Variants in TTC28 observed in about 807,000 individuals in gnomAD.
The protein encoded by TTC28 is tetratricopeptide repeat protein 28.
In TTC28, 61 loss-of-function variants were observed where a neutral mutation model predicts 198.0. The ratio of observed to expected loss-of-function variants is 0.31; its 90% CI spans 0.25 to 0.38. The LOEUF (loss-of-function observed/expected upper bound fraction) is 0.38, where lower values mean the gene tolerates loss of function less well. Ranked by LOEUF, TTC28 falls within the 10% of genes least tolerant of loss-of-function variation. The pLI, the probability that TTC28 is intolerant of heterozygous loss-of-function variation, is 1.00. For synonymous variants in TTC28, 1,171 were observed against 1,297.8 expected (o/e 0.90, Z 2.10); for missense variants, 2,678 against 3,164.0 (o/e 0.85, Z 3.69).
chr22:28,672,990 G>A (rs2051914016), intron 1 of TTC28, among the ~76,000 whole-genome samples: 1 of 152,206 alleles, frequency 6.6e-6, no homozygotes, highest in African/African-American at 2.4e-5. Flanking sequence ...TGAGGATGTG[G>A]TTTTGTGGAT....
rs188851565 is a variant in TTC28, at chr22:28,392,815, C to T, written c.382-86172G>A. On this transcript the variant is annotated intron_variant, in intron 2 of 22. Transcript: ENST00000397906. ...AATCACCCGTCTTCTGCATCGCTCA[C>T]GCTGGGAGCTGTAGACCGGAGCTGC... 6.6e-3 allele frequency among the ~76,000 whole-genome samples: 997 copies of T among 150,850 alleles called. 7 individuals carry two copies. The highest frequency in any genetic ancestry group is 0.034 in the Middle Eastern group (10 of 290).
chr22:28,339,754 G>A (rs931638725), intron 2 of TTC28, among the ~76,000 whole-genome samples: 42 of 152,154 alleles, frequency 2.8e-4, no homozygotes, highest in African/African-American at 8.9e-4. Flanking sequence ...GTAGTATTAC[G>A]GTGGGAGTGA....
chr22:28,391,080 TTA>T (rs1324222292), intron 2 of TTC28, among the ~76,000 whole-genome samples: 2 of 152,058 alleles, frequency 1.3e-5, no homozygotes, highest in African/African-American at 4.8e-5. Context: ...GTAAAGGATT[TTA>T]TTTCTCCTTC....
intron 12 of TTC28, among the ~76,000 whole-genome samples, chr22:28,088,309 A>G (rs1941691618): frequency 6.6e-6 from 1 of 152,186 alleles, no homozygotes; most frequent in Admixed American, 6.5e-5. Context: ...TGGTACCAAA[A>G]CAGAGATATA....
chr22:28,553,898 C>T (rs921969417), intron 2 of TTC28, among the ~76,000 whole-genome samples: 2 of 152,188 alleles, frequency 1.3e-5, no homozygotes, highest in Non-Finnish European at 2.9e-5. Context: ...TGAGAACGGG[C>T]CATGATGACA....
intron 2 of TTC28, among the ~76,000 whole-genome samples, chr22:28,350,875 G>A (rs1375654140): frequency 3.9e-5 from 6 of 152,082 alleles, no homozygotes; most frequent in Admixed American, 3.3e-4. Flanking sequence ...GAGAATCACT[G>A]TTATAATCCT....
At chr22:27,996,000 G>A in intron 17 of TTC28, 135 bp downstream of exon 17, 1 of 1,356,016 alleles carries the variant, frequency 7.4e-7, no homozygotes, top group East Asian at 2.5e-5. Flanking sequence ...AAGCCGGTCA[G>A]TGCCATCCTG....
At chr22:28,136,849 G>A (rs1299684904) in intron 6 of TTC28, among the ~76,000 whole-genome samples, 1 of 152,134 alleles carries the variant, frequency 6.6e-6, no homozygotes, top group Non-Finnish European at 1.5e-5. Context: ...TGCTTTCCAT[G>A]GCCTCACATT....
At chr22:28,675,090 A>G (rs1307355155) in intron 1 of TTC28, among the ~76,000 whole-genome samples, 1 of 152,224 alleles carries the variant, frequency 6.6e-6, no homozygotes, top group African/African-American at 2.4e-5. Flanking sequence ...AAAACCTTAT[A>G]TATGTTCAAG....
intron 5 of TTC28, among the ~76,000 whole-genome samples, chr22:28,210,727 C>G (rs1926865473): frequency 6.6e-6 from 1 of 152,112 alleles, no homozygotes; most frequent in Non-Finnish European, 1.5e-5. Flanking sequence ...AGGATATTCT[C>G]CAGGAGAACT....
chr22:28,421,474 C>T (rs936062259), intron 2 of TTC28, among the ~76,000 whole-genome samples: 4 of 152,084 alleles, frequency 2.6e-5, no homozygotes, highest in Non-Finnish European at 4.4e-5. Flanking sequence ...AGGTATATCA[C>T]ATTTCTCTGA....
rs115521948 is a variant in TTC28, at chr22:28,129,838, G to A, written c.1442-21435C>T. On this transcript the variant is annotated intron_variant, in intron 6 of 22. Transcript: ENST00000397906. Reference sequence around the variant, plus strand: ...GAACTTAATGTGAGTAAGAATCACAGGGGACCTTGTTAACATACAGTGGCT... The same window carrying A: ...GAACTTAATGTGAGTAAGAATCACAAGGGACCTTGTTAACATACAGTGGCT... Among the ~76,000 whole-genome samples the A allele has an allele frequency of 7.0e-3, 1,067 of 152,262 alleles. 12 individuals are homozygous for A. The highest frequency in any genetic ancestry group is 0.025 in the African/African-American group (1,030 of 41,548).
chr22:28,508,906 C>A (rs1601486634), intron 2 of TTC28, among the ~76,000 whole-genome samples: 1 of 152,078 alleles, frequency 6.6e-6, no homozygotes, highest in East Asian at 1.9e-4. Flanking sequence ...GAACTCTCCA[C>A]CTAAGCCAGG....
At chr22:28,507,820 T>C (rs1407606819) in intron 2 of TTC28, among the ~76,000 whole-genome samples, 1 of 152,148 alleles carries the variant, frequency 6.6e-6, no homozygotes, top group African/African-American at 2.4e-5. Flanking sequence ...GCTTCATAAG[T>C]GAAGGAGAAA....
intron 2 of TTC28, among the ~76,000 whole-genome samples, chr22:28,601,816 A>ACACACT (rs398036760): frequency 6.6e-6 from 1 of 150,980 alleles, no homozygotes; most frequent in African/African-American, 2.4e-5. Context: ...ACACACACAC[A>ACACACT]GTTCTGGGTA....
intron 12 of TTC28, among the ~76,000 whole-genome samples, chr22:28,078,239 G>A (rs901308606): frequency 6.6e-6 from 1 of 152,136 alleles, no homozygotes; most frequent in African/African-American, 2.4e-5. Flanking sequence ...AGAATAACAA[G>A]GACACCATGG....
At chr22:28,089,107 G>A (rs903567844) in intron 12 of TTC28, among the ~76,000 whole-genome samples, 7 of 152,240 alleles carry the variant, frequency 4.6e-5, no homozygotes, top group South Asian at 4.2e-4. Flanking sequence ...TCAGTGAGGC[G>A]ATTCCTCAGG....
At chr22:28,192,405 G>C (rs575781941) in intron 5 of TTC28, among the ~76,000 whole-genome samples, 2 of 152,202 alleles carry the variant, frequency 1.3e-5, no homozygotes, top group Admixed American at 6.5e-5. Flanking sequence ...AAGGAACGCA[G>C]CTCCTCACCA....
At chr22:28,065,108 A>G (rs570555982) in intron 12 of TTC28, among the ~76,000 whole-genome samples, 24 of 152,308 alleles carry the variant, frequency 1.6e-4, no homozygotes, top group Admixed American at 1.4e-3. Flanking sequence ...CCCCTTGCAT[A>G]GCGGCTTGGC....
Sources: gnomAD v4.1 joint callset for allele counts (sites outside exome capture counted in the v4.1 genomes callset) on GRCh38, gnomAD v4.1.1 for gene constraint, MANE v1.5 for transcripts, NCBI Gene and HGNC (gene_info 2026-07-23, HGNC 2026-07-21) for gene names.